The following ZNF638 variants were observed in gnomAD, a reference collection of about 807,000 sequenced individuals.
ZNF638 encodes the protein zinc finger protein 638.
ZNF638 carries 46 observed loss-of-function variants against 195.6 expected under a neutral mutation model. The ratio of observed to expected loss-of-function variants is 0.24; its 90% CI spans 0.19 to 0.30. The LOEUF is 0.30. ZNF638 is among the 10% of genes least tolerant of loss of function. ZNF638 has a pLI of 1.00. For missense variants in ZNF638, 2,440 were observed against 2,325.3 expected (o/e 1.05, Z -1.01); for synonymous variants, 845 against 772.0 (o/e 1.09, Z -1.57).
chr2:71,389,052 T>G (rs1411964363), intron 10 of ZNF638, among the ~76,000 whole-genome samples: 2 of 152,120 alleles, frequency 1.3e-5, no homozygotes, highest in African/African-American at 4.8e-5. Context: ...TAGGGCTGCT[T>G]TGGCCCTGCT....
At chr2:71,377,620 G>A (rs1279778870) in intron 8 of ZNF638, among the ~76,000 whole-genome samples, 1 of 152,150 alleles carries the variant, frequency 6.6e-6, no homozygotes, top group East Asian at 1.9e-4. Flanking sequence ...GTTGTGTCAG[G>A]CATTGTAATA....
chr2:71,350,044 G>T lies in ZNF638; in HGVS notation c.1090G>T (p.Val364Phe), dbSNP rs750978501. The change falls in exon 2 of 28, where the codon GTT becomes TTT. Residue 364 changes from valine (V) to phenylalanine (F), a missense_variant. Physicochemically the swap from Val to Phe is conservative, Grantham distance 50 (BLOSUM62 -1). Transcript: ENST00000264447. ...TGTGATTAATTCATCTAACGTACATGTTGGATCAAGAGGAAGTAAAAAGAA... is the reference window on the plus strand; with the variant it reads ...TGTGATTAATTCATCTAACGTACATTTTGGATCAAGAGGAAGTAAAAAGAA... The part of the protein sequence containing the change: ...EPVINSSNVH[V>F]GSRGSKKNYQ... The T allele has an allele frequency of 2.5e-6, 4 of 1,614,184 alleles. No individual in the cohort carries two copies. The South Asian group carries it at 4.4e-5, about 18-fold the overall frequency.
rs759279906 is a variant in ZNF638, at chr2:71,396,104, G to A, written c.2378-37G>A. On this transcript the variant is annotated intron_variant, in intron 10 of 27. Coordinates refer to ENST00000264447, the MANE Select transcript of ZNF638 (RefSeq NM_014497.5). Reference sequence around the variant, plus strand: ...TAACTAAATCCAAGTGATGTTATTTGTAATGTAGTACTTAAATGTTTTTCT... The same window carrying A: ...TAACTAAATCCAAGTGATGTTATTTATAATGTAGTACTTAAATGTTTTTCT... The A allele has an allele frequency of 1.4e-5, 22 of 1,585,850 alleles. No homozygotes were observed. In the Admixed American group the frequency reaches 3.3e-4, roughly 23 times the overall value.
chr2:71,378,086 T>C (rs1207846195), intron 8 of ZNF638, among the ~76,000 whole-genome samples: 1 of 152,222 alleles, frequency 6.6e-6, no homozygotes, highest in Non-Finnish European at 1.5e-5. Flanking sequence ...GGAGAAGTTA[T>C]TGTATAAAAT....
At chr2:71,369,826 A>T (rs774600947) in intron 7 of ZNF638, 57 bp from the exon 8 acceptor site, 1 of 1,516,338 alleles carries the variant, frequency 6.6e-7, no homozygotes, top group Non-Finnish European at 8.8e-7. Flanking sequence ...CCATTTTAAA[A>T]TGCAGGAACT....
In ZNF638 at chr2:71,349,534, A is replaced by G. The variant is rs1316702088; in HGVS notation, c.580A>G (p.Arg194Gly). Residue 194 changes from arginine (R) to glycine (G), a missense_variant, in exon 2 of 28, where the codon AGA (arginine) becomes GGA (glycine). Physicochemically the swap from Arg to Gly is moderately radical, Grantham distance 125. Around this residue, in one of 5 missense-constraint regions of ZNF638, gnomAD observed 305 missense variants for 283.6 expected, o/e 1.08. Transcript: ENST00000264447. Reference protein sequence around the residue: ...RRLPNLPSQSRNKETLGSEAV... With the variant: ...RRLPNLPSQSGNKETLGSEAV... ...ATTACCTAATTTACCTTCTCAGAGC[A>G]GAAATAAAGAAACACTTGGTAGTGA... is the stretch of plus-strand genomic sequence containing the variant. The G allele has an allele frequency of 1.9e-6, 3 of 1,614,102 alleles. No individual in the cohort carries two copies. Among genetic ancestry groups the G allele is most frequent in the African/African-American group, 2.7e-5 (2 of 74,934 alleles).
intron 3 of ZNF638, among the ~76,000 whole-genome samples, chr2:71,358,520 G>A (rs1270876115): frequency 6.6e-6 from 1 of 152,166 alleles, no homozygotes; most frequent in East Asian, 1.9e-4. Flanking sequence ...TATATCCTTC[G>A]ATCTGGCATC....
chr2:71,364,339 A>G (rs2079159508), intron 5 of ZNF638, 87 bp downstream of exon 5: 1 of 1,373,526 alleles, frequency 7.3e-7, no homozygotes, highest in African/African-American at 1.5e-5. Context: ...GAAATGTTCT[A>G]CTTTATTAAA....
intron 8 of ZNF638, among the ~76,000 whole-genome samples, chr2:71,377,911 T>C (rs1303346076): frequency 6.6e-6 from 1 of 152,224 alleles, no homozygotes; most frequent in African/African-American, 2.4e-5. Flanking sequence ...TCTTAAGAGT[T>C]GGGTGGGAAA....
intron 10 of ZNF638, among the ~76,000 whole-genome samples, chr2:71,393,036 C>T (rs1243751360): frequency 6.6e-6 from 1 of 152,158 alleles, no homozygotes; most frequent in Non-Finnish European, 1.5e-5. Flanking sequence ...TGGCCTGTGC[C>T]AGCTCACATA....
rs903605084 is a variant in ZNF638, at chr2:71,392,519, C to A, written c.2378-3622C>A. Among the ~76,000 whole-genome samples the A allele has an allele frequency of 3.9e-5, 6 of 152,108 alleles. No homozygotes were observed. The East Asian group carries it at 1.2e-3, about 29-fold the overall frequency. On this transcript the variant is annotated intron_variant, in intron 10 of 27. Coordinates refer to ENST00000264447, the MANE Select transcript of ZNF638 (RefSeq NM_014497.5). ...TCATTAAGTCCACTCTCGAGCCTAC[C>A]CTGTGTACACCTTTTCTTGGACTTC...
At chr2:71,433,055 C>G (rs1644720200) in intron 26 of ZNF638, 110 bp from the exon 27 acceptor site, 1 of 901,812 alleles carries the variant, frequency 1.1e-6, no homozygotes, top group East Asian at 2.4e-5. Context: ...CCACTGCCCT[C>G]CAACCTGGAT....
At chr2:71,389,885 C>T (rs2079735166) in intron 10 of ZNF638, among the ~76,000 whole-genome samples, 1 of 152,110 alleles carries the variant, frequency 6.6e-6, no homozygotes, top group Non-Finnish European at 1.5e-5. Flanking sequence ...TGCAGGCAGT[C>T]AGAGGAAAGG....
At chr2:71,434,381 A>G (rs1363366769) in intron 27 of ZNF638, among the ~76,000 whole-genome samples, 3 of 152,194 alleles carry the variant, frequency 2.0e-5, no homozygotes, top group African/African-American at 7.2e-5. Flanking sequence ...AGAACCCCCA[A>G]AAAAGTTCAG....
In ZNF638 at chr2:71,350,114, T is replaced by C. The variant is rs2078916419; in HGVS notation, c.1160T>C (p.Ile387Thr). The change falls in exon 2 of 28, where the codon ATT becomes ACT. Residue 387 changes from isoleucine to threonine, a missense_variant. By Grantham distance (89) the Ile-to-Thr change is moderately conservative (BLOSUM62 -1). This residue lies in a region of ZNF638 where 305 missense variants were observed against 283.6 expected (regional missense o/e 1.08). Transcript: ENST00000264447. ...ADIPIRSPFG[I>T]VKASWLPKFS... ...ATTCCCATTCGGTCTCCCTTTGGTA[T>C]TGTGAAAGCATCCTGGCTACCAAAG... 6.2e-7 allele frequency: 1 copy of C among 1,614,018 alleles called. No homozygotes were observed. Among genetic ancestry groups the C allele is most frequent in the South Asian group, 1.1e-5 (1 of 91,088 alleles).
intron 2 of ZNF638, among the ~76,000 whole-genome samples, chr2:71,354,937 C>T (rs2078999568): frequency 6.6e-6 from 1 of 151,982 alleles, no homozygotes; most frequent in Admixed American, 6.5e-5. Context: ...TGGTACTGGT[C>T]TATCAGGTAG....
intron 23 of ZNF638, 82 bp downstream of exon 23, chr2:71,424,797 T>C: frequency 8.6e-7 from 1 of 1,167,476 alleles, no homozygotes. Flanking sequence ...GTGCCTGCCT[T>C]AACAATGTTA....
At position 71,411,631 on chromosome 2, in the gene ZNF638, T is replaced by A. The variant is rs62146462; in HGVS notation, c.3261+3384T>A. ...CCAATGCTATCCCTCCCCCCTCCCC[T>A]GACCCCACCACAGTCCCCAGAGTGT... On this transcript the variant is annotated intron_variant, in intron 20 of 27. Coordinates refer to ENST00000264447, the MANE Select transcript of ZNF638 (RefSeq NM_014497.5). Among the ~76,000 whole-genome samples the A allele has an allele frequency of 8.6e-5, 9 of 104,416 alleles. 1 individual carries two copies. In the East Asian group the frequency reaches 1.9e-3, roughly 22 times the overall value. The allele number at this position is 104,416 out of a possible 152,430, so 68.5% of individuals were successfully genotyped here.
At chr2:71,394,625 C>T (rs1053180502) in intron 10 of ZNF638, among the ~76,000 whole-genome samples, 7 of 152,080 alleles carry the variant, frequency 4.6e-5, no homozygotes, top group East Asian at 1.9e-4. Context: ...GTTTGATACA[C>T]GATTGGCAAG....
Sources: allele counts gnomAD v4.1 joint callset (sites outside exome capture counted in the v4.1 genomes callset), GRCh38; gene constraint gnomAD v4.1.1; regional missense constraint gnomAD v4.1.1; transcripts MANE v1.5; gene names NCBI Gene and HGNC (gene_info 2026-07-23, HGNC 2026-07-21).